The following TTC12 variants were observed in gnomAD, a reference collection of about 807,000 sequenced individuals.
TTC12 encodes tetratricopeptide repeat domain 12.
In TTC12, 70 loss-of-function variants were observed where a neutral mutation model predicts 90.1. The ratio of observed to expected loss-of-function variants is 0.78; its 90% CI spans 0.64 to 0.95. TTC12 has a LOEUF of 0.95. Among genes scored for constraint, TTC12 ranks in the 40% least tolerant of loss-of-function variants. The probability of loss-of-function intolerance (pLI) is 0.00; values close to 1 mark genes in which losing one functional copy is unlikely to be tolerated. For missense variants in TTC12, 819 were observed against 846.1 expected (o/e 0.97, Z 0.40); for synonymous variants, 296 against 311.5 (o/e 0.95, Z 0.53).
intron 12 of TTC12, among the ~76,000 whole-genome samples, chr11:113,344,066 G>A (rs1046837958): frequency 2.0e-5 from 3 of 152,158 alleles, no homozygotes; most frequent in Non-Finnish European, 4.4e-5. Context: ...TGAGGAGACC[G>A]AGGAGCACAA....
intron 6 of TTC12, 42 bp downstream of exon 6, chr11:113,325,687 A>G (rs1384917358): frequency 1.4e-5 from 23 of 1,605,766 alleles, no homozygotes; most frequent in Non-Finnish European, 2.0e-5. Flanking sequence ...TTCTCAGGGA[A>G]TAGTTGCCAC....
At chr11:113,314,716 G>A (rs1946808822) in intron 1 of TTC12, 98 bp downstream of exon 1, 1 of 152,918 alleles carries the variant, frequency 6.5e-6, no homozygotes, top group African/African-American at 2.4e-5. Context: ...CCCAGAGCAT[G>A]GGAAGGTCTT....
chr11:113,324,053 A>T (rs1458956418), intron 4 of TTC12, 38 bp downstream of exon 4: 6 of 1,558,288 alleles, frequency 3.9e-6, no homozygotes, highest in Non-Finnish European at 5.3e-6. Context: ...TTCATTCTTT[A>T]TATAGGACCA....
intron 10 of TTC12, among the ~76,000 whole-genome samples, 190 bp from the exon 11 acceptor site, chr11:113,340,474 C>G (rs1453969943): frequency 2.6e-5 from 4 of 152,218 alleles, no homozygotes; most frequent in African/African-American, 9.6e-5. Context: ...GGCACTGAGG[C>G]CTCTGACGCT....
At chr11:113,361,072 T>A (rs1321806798) in intron 18 of TTC12, among the ~76,000 whole-genome samples, 2 of 152,166 alleles carry the variant, frequency 1.3e-5, no homozygotes, top group Non-Finnish European at 2.9e-5. Context: ...CCACGTTGGG[T>A]GCTTCCCAGC....
chr11:113,355,418 T>G (rs1949575952), intron 16 of TTC12, among the ~76,000 whole-genome samples: 1 of 152,180 alleles, frequency 6.6e-6, no homozygotes. Flanking sequence ...TAGGATTTAT[T>G]GATCTTTTGA....
chr11:113,324,592 A>C lies in TTC12; in HGVS notation c.245-13A>C, dbSNP rs1555140174. ...ATTTTTCTTTTTAATATCTGAAATTACCCTGCTGTCAGAGGCCTTCTTGGC... is the reference window on the plus strand; with the variant it reads ...ATTTTTCTTTTTAATATCTGAAATTCCCCTGCTGTCAGAGGCCTTCTTGGC... On this transcript the variant is annotated splice_polypyrimidine_tract_variant and intron_variant, in intron 4 of 21. Coordinates refer to ENST00000529221, the MANE Select transcript of TTC12 (RefSeq NM_017868.4). The C allele has an allele frequency of 6.2e-7, 1 of 1,609,662 alleles. No individual in the cohort carries two copies.
intron 16 of TTC12, 57 bp downstream of exon 16, chr11:113,352,264 C>T: frequency 1.2e-6 from 2 of 1,609,100 alleles, no homozygotes; most frequent in South Asian, 1.1e-5. Flanking sequence ...GCATTAGCGT[C>T]TTCTTAGTTA....
At chr11:113,354,247 AT>A (rs1228543260) in intron 16 of TTC12, among the ~76,000 whole-genome samples, 9 of 152,196 alleles carry the variant, frequency 5.9e-5, no homozygotes, top group Admixed American at 4.6e-4. Flanking sequence ...TGCGTTTCTC[AT>A]TTGGCTCTTG....
At chr11:113,324,481 CGT>C in intron 4 of TTC12, 122 bp from the exon 5 acceptor site, 7 of 665,552 alleles carry the variant, frequency 1.1e-5, no homozygotes, top group Non-Finnish European at 1.6e-5. Context: ...GGTGTGTGTG[CGT>C]GTGTGTGCCT....
At chr11:113,333,100 G>A (rs1008771674) in intron 7 of TTC12, among the ~76,000 whole-genome samples, 1 of 152,122 alleles carries the variant, frequency 6.6e-6, no homozygotes, top group Admixed American at 6.5e-5. Flanking sequence ...CTCTGATCAT[G>A]TCTGCGTGCC....
intron 7 of TTC12, among the ~76,000 whole-genome samples, chr11:113,330,284 T>G (rs1225793384): frequency 6.6e-6 from 1 of 152,242 alleles, no homozygotes; most frequent in Non-Finnish European, 1.5e-5. Context: ...AAATGCCTCC[T>G]TCTGTCTTCT....
chr11:113,352,667 TC>T (rs1159351967), intron 16 of TTC12, among the ~76,000 whole-genome samples: 1 of 152,154 alleles, frequency 6.6e-6, no homozygotes, highest in African/African-American at 2.4e-5. Flanking sequence ...CGTGTTCTCA[TC>T]TTTTAGCTCC....
At chr11:113,364,804 A>C in intron 20 of TTC12, 31 bp from the exon 21 acceptor site, 1 of 1,590,168 alleles carries the variant, frequency 6.3e-7, no homozygotes, top group East Asian at 2.2e-5. Context: ...GATTAAAAGG[A>C]GCTGTTGCTT....
At chr11:113,372,833 A>G (rs887061037) in intron 21 of TTC12, among the ~76,000 whole-genome samples, 14 of 152,132 alleles carry the variant, frequency 9.2e-5, no homozygotes, top group Non-Finnish European at 1.9e-4. Context: ...CCTGGGTGTC[A>G]TTGCTCACTA....
At chr11:113,358,257 G>A (rs1949727898) in intron 16 of TTC12, among the ~76,000 whole-genome samples, 1 of 152,136 alleles carries the variant, frequency 6.6e-6, no homozygotes, top group Non-Finnish European at 1.5e-5. Flanking sequence ...GCTCTGGCAG[G>A]GCAAGGAAAG....
intron 3 of TTC12, 86 bp downstream of exon 3, chr11:113,323,537 C>A: frequency 3.4e-6 from 3 of 891,810 alleles, no homozygotes; most frequent in Non-Finnish European, 4.7e-6. Flanking sequence ...AACTGTCCAG[C>A]AAGGCTGAAA....
At chr11:113,341,660 C>T (rs1476847318) in intron 11 of TTC12, 177 bp from the exon 12 acceptor site, 20 of 601,802 alleles carry the variant, frequency 3.3e-5, no homozygotes, top group Non-Finnish European at 5.4e-5. Flanking sequence ...AGTCTGCATC[C>T]GTGGCCTGGG....
intron 7 of TTC12, among the ~76,000 whole-genome samples, chr11:113,334,087 T>A (rs1048855999): frequency 2.0e-5 from 3 of 152,236 alleles, no homozygotes; most frequent in Admixed American, 2.0e-4. Flanking sequence ...CCACTTCTGC[T>A]GAGTAGCAGA....
Sources: allele counts gnomAD v4.1 joint callset (sites outside exome capture counted in the v4.1 genomes callset), GRCh38; gene constraint gnomAD v4.1.1; transcripts MANE v1.5; gene names NCBI Gene and HGNC (gene_info 2026-07-23, HGNC 2026-07-21).